Variants in PRELID2 observed in about 807,000 individuals in gnomAD.
The protein encoded by PRELID2 is PRELI domain-containing protein 2.
PRELID2 carries 25 observed loss-of-function variants against 28.4 expected under a neutral mutation model. That is an observed-to-expected ratio of 0.88 (90% CI 0.64 to 1.23). The LOEUF (loss-of-function observed/expected upper bound fraction) is 1.23, where lower values mean the gene tolerates loss of function less well. Among genes scored for constraint, PRELID2 ranks in the 50% most tolerant of loss-of-function variants. PRELID2 has a pLI of 0.00. For synonymous variants in PRELID2, 76 were observed against 71.6 expected, an observed-to-expected ratio of 1.06 and a Z score of -0.31; for missense variants, 201 against 214.4, an observed-to-expected ratio of 0.94 and a Z score of 0.39.
chr5:145,659,016 A>G (rs1300321258), intron 1 of PRELID2, among the ~76,000 whole-genome samples: 1 of 152,186 alleles, frequency 6.6e-6, no homozygotes, highest in Non-Finnish European at 1.5e-5. Flanking sequence ...TCAAGGCAGA[A>G]AGAGTTCAGC....
At chr5:145,379,174 A>C in the PRELID2 span, among the ~76,000 whole-genome samples, 1 of 152,092 alleles carries the variant, frequency 6.6e-6, no homozygotes, top group Non-Finnish European at 1.5e-5. Flanking sequence ...CTGGTTTCTT[A>C]ATGATAGGAA....
chr5:145,833,913 G>A (rs1013692201), intron 1 of PRELID2, among the ~76,000 whole-genome samples: 2 of 152,192 alleles, frequency 1.3e-5, no homozygotes, highest in Admixed American at 1.3e-4. Context: ...GGAAACTAAG[G>A]CCTAGAGAAA....
chr5:145,754,717 T>G (rs989464356), downstream of PRELID2, among the ~76,000 whole-genome samples: 2 of 152,210 alleles, frequency 1.3e-5, no homozygotes, highest in African/African-American at 4.8e-5. Flanking sequence ...CATTGATGTC[T>G]TACAATTCTG....
In PRELID2 at chr5:145,823,168, A is replaced by G. The variant is rs369351500; in HGVS notation, c.76-34T>C. 9.1e-4 allele frequency: 939 copies of G among 1,031,646 alleles called. 24 individuals carry two copies. In the South Asian group the frequency reaches 0.012, roughly 13 times the overall value. 63.9% of individuals were successfully genotyped at this position (1,031,646 alleles called of 1,614,324 possible). A position where few individuals can be genotyped will look rare whatever the true frequency, so the allele number is the denominator to read the frequency against. ...AAATATATAAAAAAGAATTACCATT[A>G]ATCTTCTACCAAGGTGAACTATTTA... On this transcript the variant is annotated intron_variant, in intron 1 of 6. Transcript: ENST00000683046.
At chr5:145,764,274 A>G (rs541445135) in intron 6 of PRELID2, among the ~76,000 whole-genome samples, 65 of 152,282 alleles carry the variant, frequency 4.3e-4, no homozygotes, top group African/African-American at 1.6e-3. Flanking sequence ...GGAGTTGAGT[A>G]GTTCTGCAAT....
chr5:145,398,033 T>A, the PRELID2 span, among the ~76,000 whole-genome samples: 1 of 152,178 alleles, frequency 6.6e-6, no homozygotes, highest in Non-Finnish European at 1.5e-5. Flanking sequence ...GAACTTTGCA[T>A]ACCTCTTGTG....
At chr5:145,542,282 C>T (rs1020109241) in intron 1 of PRELID2, among the ~76,000 whole-genome samples, 5 of 152,114 alleles carry the variant, frequency 3.3e-5, no homozygotes, top group Non-Finnish European at 7.4e-5. Flanking sequence ...GTATTAAATG[C>T]TTCCAATAGC....
At chr5:145,743,481 C>A (rs1401357703) in intron 1 of PRELID2, among the ~76,000 whole-genome samples, 1 of 151,384 alleles carries the variant, frequency 6.6e-6, no homozygotes, top group South Asian at 2.1e-4. Context: ...GAATCCTTCA[C>A]TGGCAACCAA....
intron 1 of PRELID2, among the ~76,000 whole-genome samples, chr5:145,709,807 C>A (rs1175370108): frequency 6.6e-6 from 1 of 152,124 alleles, no homozygotes; most frequent in East Asian, 1.9e-4. Context: ...TCAGAAGGCC[C>A]CAGATCCCAA....
At chr5:145,318,573 G>A in the PRELID2 span, among the ~76,000 whole-genome samples, 1 of 152,300 alleles carries the variant, frequency 6.6e-6, no homozygotes, top group African/African-American at 2.4e-5. Context: ...CTCACAAGAT[G>A]TGCAACAGGG....
rs1755581677 is a variant in PRELID2 at position 145,831,497 on chromosome 5, T to C, written c.75+3680A>G. ...GCCACCCAACCTAACAGTGAAAGCA[T>C]AATGATCAAGATCCAGGTCTACTGA... On this transcript the variant is annotated intron_variant, in intron 1 of 6. Coordinates refer to ENST00000683046, the MANE Select transcript of PRELID2 (RefSeq NM_205846.3). Among the ~76,000 whole-genome samples the C allele has an allele frequency of 2.6e-5, 4 of 152,210 alleles. 1 individual carries two copies. The South Asian group carries it at 8.3e-4, about 32-fold the overall frequency.
chr5:145,398,321 T>G, the PRELID2 span, among the ~76,000 whole-genome samples: 2 of 152,148 alleles, frequency 1.3e-5, no homozygotes, highest in Non-Finnish European at 2.9e-5. Context: ...CTCTTTTAGA[T>G]GAACGTTTCT....
the PRELID2 span, among the ~76,000 whole-genome samples, chr5:145,428,543 T>C: frequency 6.6e-6 from 1 of 151,712 alleles, no homozygotes; most frequent in Non-Finnish European, 1.5e-5. Flanking sequence ...TACGGAGAAG[T>C]TGTGGGGTGG....
At chr5:145,338,032 C>T in the PRELID2 span, 3 of 152,022 alleles carry the variant, frequency 2.0e-5, no homozygotes, top group Non-Finnish European at 4.4e-5. Context: ...AAAGAGAGAA[C>T]ATCTGTTTCA....
chr5:145,248,296 T>A, the PRELID2 span, among the ~76,000 whole-genome samples: 1 of 152,108 alleles, frequency 6.6e-6, no homozygotes, highest in Non-Finnish European at 1.5e-5. Flanking sequence ...TATGTTGTTC[T>A]CTTTGCTTAA....
At chr5:145,773,717 C>T (rs1013103376) in intron 5 of PRELID2, among the ~76,000 whole-genome samples, 1 of 152,356 alleles carries the variant, frequency 6.6e-6, no homozygotes. Flanking sequence ...CAACAAGGTT[C>T]CTATTATTTC....
At chr5:145,817,220 A>AAAAAATATATATATATATATATATATAT in intron 4 of PRELID2, among the ~76,000 whole-genome samples, 1 of 66,512 alleles carries the variant, frequency 1.5e-5, no homozygotes, top group African/African-American at 4.1e-5. Context: ...AATAAAAAAA[A>AAAAAATATATATATATATATATATATAT]ATATATATAT....
intron 1 of PRELID2, among the ~76,000 whole-genome samples, chr5:145,543,508 T>C (rs1752761848): frequency 6.6e-6 from 1 of 152,096 alleles, no homozygotes; most frequent in African/African-American, 2.4e-5. Context: ...TTGATACTTA[T>C]TTGTTGCTGG....
intron 1 of PRELID2, among the ~76,000 whole-genome samples, chr5:145,745,257 C>T (rs1013186474): frequency 3.9e-5 from 6 of 152,074 alleles, no homozygotes; most frequent in African/African-American, 7.2e-5. Flanking sequence ...GAAGGAGATG[C>T]GGAGCATGGA....
Sources: allele counts gnomAD v4.1 joint callset (sites outside exome capture counted in the v4.1 genomes callset), GRCh38; gene constraint gnomAD v4.1.1; transcripts MANE v1.5; gene names NCBI Gene and HGNC (gene_info 2026-07-23, HGNC 2026-07-21).